Variants in TTC7A observed in about 807,000 individuals in gnomAD.
TTC7A encodes tetratricopeptide repeat protein 7A.
A neutral mutation model predicts 103.7 loss-of-function variants in TTC7A; 110 were observed. The ratio of observed to expected loss-of-function variants is 1.06; its 90% CI spans 0.91 to 1.24. The LOEUF is 1.24. TTC7A is among the 50% of genes most tolerant of loss of function. The pLI is 0.00. For synonymous variants in TTC7A, 521 were observed against 467.9 expected, an observed-to-expected ratio of 1.11 and a Z score of -1.47; for missense variants, 1,340 against 1,116.3, an observed-to-expected ratio of 1.20 and a Z score of -2.86.
At chr2:46,993,599 C>CAGGG in intron 6 of TTC7A, 71 bp downstream of exon 6, 1 of 1,462,156 alleles carries the variant, frequency 6.8e-7, no homozygotes, top group Non-Finnish European at 9.6e-7. Flanking sequence ...GAAGTCCTTG[C>CAGGG]AGGGAGCCTG....
chr2:46,995,310 G>T, intron 8 of TTC7A, 111 bp downstream of exon 8: 1 of 1,054,200 alleles, frequency 9.5e-7, no homozygotes, highest in Non-Finnish European at 1.4e-6. Context: ...GTCTCCCAGG[G>T]ATACTCCTAA....
chr2:46,974,775 T>A lies in TTC7A; in HGVS notation c.518-198T>A, dbSNP rs1224206887. 4.4e-6 allele frequency: 3 copies of A among 688,170 alleles called. No homozygotes were observed. In the African/African-American group the frequency reaches 5.4e-5, roughly 12 times the overall value. 42.6% of individuals were successfully genotyped at this position (688,170 alleles called of 1,614,324 possible). ...TGATGCACTGTGATTCCCCACGTGC[T>A]GTCCCATCGCTTACTCCCAGCCACT... On this transcript the variant is annotated intron_variant, in intron 3 of 19. Coordinates refer to ENST00000319190, the MANE Select transcript of TTC7A (RefSeq NM_020458.4).
chr2:46,954,790 C>T (rs1671705327), intron 2 of TTC7A, among the ~76,000 whole-genome samples: 1 of 152,238 alleles, frequency 6.6e-6, no homozygotes, highest in Admixed American at 6.5e-5. Flanking sequence ...AGGCTGGTCT[C>T]AAATTCCTGA....
rs192048953 is a variant in TTC7A at position 46,969,511 on chromosome 2, T to C, written c.518-5462T>C. On this transcript the variant is annotated intron_variant, in intron 3 of 19. Coordinates refer to ENST00000319190, the MANE Select transcript of TTC7A (RefSeq NM_020458.4). The stretch of plus-strand genomic sequence containing the variant: ...GACAGTGCAACCTCCGACTCCCTGG[T>C]TCAAGTGATTCTCCTGCCTCAGCCT... Among the ~76,000 whole-genome samples, 480 of 152,138 alleles carry C rather than the reference T, an allele frequency of 3.2e-3. 7 individuals carry two copies. Among genetic ancestry groups the C allele is most frequent in the Admixed American group, 0.022 (333 of 15,300 alleles).
intron 3 of TTC7A, among the ~76,000 whole-genome samples, chr2:46,963,062 C>T (rs1001357874): frequency 6.6e-6 from 1 of 152,232 alleles, no homozygotes; most frequent in African/African-American, 2.4e-5. Context: ...GGGCTCTTCT[C>T]AGGCACCCAC....
chr2:46,985,943 T>C lies in TTC7A; in HGVS notation c.764+7036T>C, dbSNP rs181509409. On this transcript the variant is annotated intron_variant, in intron 5 of 19. Transcript: ENST00000319190. ...CTTCATCATGGGACTCTGCTATACA[T>C]TGTAGGTTTTAGCAACGTCTCTGGC... 8.7e-4 allele frequency among the ~76,000 whole-genome samples: 133 copies of C among 152,294 alleles called. 2 individuals are homozygous for C. The highest frequency in any genetic ancestry group is 3.7e-3 in the East Asian group (19 of 5,192).
chr2:46,983,432 C>T (rs1166590860), intron 5 of TTC7A, among the ~76,000 whole-genome samples: 2 of 152,182 alleles, frequency 1.3e-5, no homozygotes, highest in Non-Finnish European at 2.9e-5. Flanking sequence ...AGCTGGAGAT[C>T]ACCACTCCCC....
chr2:46,983,517 A>G (rs1234250180), intron 5 of TTC7A, among the ~76,000 whole-genome samples: 1 of 152,142 alleles, frequency 6.6e-6, no homozygotes, highest in Non-Finnish European at 1.5e-5. Flanking sequence ...GGGGGACCCA[A>G]AGAGAGGCCG....
chr2:46,989,627 T>C (rs1236235232), intron 5 of TTC7A, among the ~76,000 whole-genome samples: 1 of 152,046 alleles, frequency 6.6e-6, no homozygotes, highest in Admixed American at 6.5e-5. Context: ...TTTTTTTTTT[T>C]TTTTTTCTTG....
intron 11 of TTC7A, among the ~76,000 whole-genome samples, chr2:47,013,586 C>A (rs930224308): frequency 9.2e-5 from 14 of 152,218 alleles, no homozygotes; most frequent in Non-Finnish European, 1.8e-4. Flanking sequence ...GTCCACCCAG[C>A]CAACGGCCGC....
At chr2:46,970,437 A>T (rs1236734857) in intron 3 of TTC7A, among the ~76,000 whole-genome samples, 1 of 152,262 alleles carries the variant, frequency 6.6e-6, no homozygotes, top group Non-Finnish European at 1.5e-5. Flanking sequence ...TGCGGTGGCC[A>T]GCCCTCTGGA....
chr2:47,003,156 C>T (rs964244289), intron 8 of TTC7A, among the ~76,000 whole-genome samples: 2 of 152,106 alleles, frequency 1.3e-5, no homozygotes, highest in African/African-American at 2.4e-5. Flanking sequence ...CCACTCCAGG[C>T]CCAGAGTCTT....
chr2:46,937,451 A>G (rs559773940), upstream of TTC7A, among the ~76,000 whole-genome samples: 10 of 152,330 alleles, frequency 6.6e-5, no homozygotes, highest in African/African-American at 2.4e-4. This position sits in a 1 kb window ranked among gnomAD's most constrained non-coding sequence, Gnocchi z 4.0. Context: ...CCATTGTAAA[A>G]GACTCTTCAA....
intron 5 of TTC7A, among the ~76,000 whole-genome samples, chr2:46,982,016 C>T (rs1674517470): frequency 6.6e-6 from 1 of 152,208 alleles, no homozygotes. Context: ...TCTTTCTCTC[C>T]ACCCTGCCCT....
chr2:47,064,175 C>T (rs1172556313), intron 19 of TTC7A, among the ~76,000 whole-genome samples: 34 of 152,236 alleles, frequency 2.2e-4, no homozygotes, highest in Non-Finnish European at 2.5e-4. Context: ...CGGAATTTGT[C>T]CCAAGTTTGT....
intron 10 of TTC7A, among the ~76,000 whole-genome samples, chr2:47,010,476 C>T (rs1325938584): frequency 6.6e-6 from 1 of 152,174 alleles, no homozygotes; most frequent in Non-Finnish European, 1.5e-5. Flanking sequence ...TGGTAACATT[C>T]GTGTCTGGCT....
chr2:46,953,833 TC>T (rs1032693004), intron 2 of TTC7A, among the ~76,000 whole-genome samples: 4 of 151,384 alleles, frequency 2.6e-5, no homozygotes, highest in Admixed American at 2.0e-4. Flanking sequence ...TTTTTTTTTT[TC>T]AATTTTTTGT....
At chr2:47,058,414 G>C (rs1683495906) in intron 18 of TTC7A, among the ~76,000 whole-genome samples, 1 of 152,248 alleles carries the variant, frequency 6.6e-6, no homozygotes, top group African/African-American at 2.4e-5. Flanking sequence ...CTGTGTTGCA[G>C]TCAAGGTTTT....
intron 5 of TTC7A, among the ~76,000 whole-genome samples, chr2:46,985,284 G>A (rs1387498888): frequency 6.6e-6 from 1 of 152,154 alleles, no homozygotes; most frequent in Non-Finnish European, 1.5e-5. Flanking sequence ...CTGAAGAGGG[G>A]TAGAAATTGA....
Sources: allele counts gnomAD v4.1 joint callset (sites outside exome capture counted in the v4.1 genomes callset), GRCh38; gene constraint gnomAD v4.1.1; non-coding constraint Gnocchi (gnomAD v3.1); transcripts MANE v1.5; gene names NCBI Gene and HGNC (gene_info 2026-07-23, HGNC 2026-07-21).